PISD: variants seen among roughly 807,000 people sequenced by gnomAD.
PISD encodes phosphatidylserine decarboxylase proenzyme, mitochondrial.
PISD carries 31 observed loss-of-function variants against 43.5 expected under a neutral mutation model. That is an observed-to-expected ratio of 0.71 (90% CI 0.54 to 0.96). The LOEUF (loss-of-function observed/expected upper bound fraction) is 0.96. PISD is among the 40% of genes least tolerant of loss of function. PISD has a pLI of 0.00. For synonymous variants in PISD, 259 were observed against 228.7 expected, an observed-to-expected ratio of 1.13 and a Z score of -1.20; for missense variants, 523 against 548.4, an observed-to-expected ratio of 0.95 and a Z score of 0.46.
At chr22:31,622,502 C>T (rs1270441355) in intron 3 of PISD, among the ~76,000 whole-genome samples, 2 of 152,244 alleles carry the variant, frequency 1.3e-5, no homozygotes, top group Non-Finnish European at 2.9e-5. Context: ...GTCCAGCCAG[C>T]ACTCTTGAGG....
chr22:31,652,750 C>G (rs1056160375), intron 1 of PISD, among the ~76,000 whole-genome samples: 1 of 151,340 alleles, frequency 6.6e-6, no homozygotes, highest in African/African-American at 2.4e-5. Context: ...AAACACCCCC[C>G]TTGCCAGGCT....
At chr22:31,639,601 T>A (rs1034072718) in intron 3 of PISD, among the ~76,000 whole-genome samples, 3 of 152,188 alleles carry the variant, frequency 2.0e-5, no homozygotes, top group Admixed American at 2.0e-4. Context: ...ATTTGTCAAT[T>A]TCAGGAAAAG....
chr22:31,648,415 C>A (rs1433721065), intron 2 of PISD, 139 bp from the exon 3 acceptor site: 1 of 658,948 alleles, frequency 1.5e-6, no homozygotes, highest in Non-Finnish European at 2.6e-6. Flanking sequence ...ACATGGCTCA[C>A]GCCTGTAATC....
At chr22:31,637,311 T>G (rs1382682004) in intron 3 of PISD, among the ~76,000 whole-genome samples, 1 of 149,206 alleles carries the variant, frequency 6.7e-6, no homozygotes, top group Non-Finnish European at 1.5e-5. Flanking sequence ...TGCAGTAAGC[T>G]GTGATCACAC....
chr22:31,628,864 A>G (rs2073049556), intron 3 of PISD: 3 of 985,344 alleles, frequency 3.0e-6, no homozygotes, highest in Admixed American at 1.2e-4. Flanking sequence ...TCTCTTTCCA[A>G]AAAGTCAACC....
chr22:31,626,036 A>ACAC, intron 3 of PISD: 4 of 1,428,970 alleles, frequency 2.8e-6, no homozygotes, highest in Non-Finnish European at 3.7e-6. Flanking sequence ...ACAGACAGGC[A>ACAC]CTGGTCACAC....
At position 31,659,192 on chromosome 22, in the gene PISD, T is replaced by C. The variant is rs893516073; in HGVS notation, c.65+2952A>G. On this transcript the variant is annotated intron_variant, in intron 1 of 7. Transcript: ENST00000439502. ...AACATCACCCCTAGTAGTAACATTT[T>C]GCCTATAGTCCTTATGTCTCCCTTG... Among the ~76,000 whole-genome samples the C allele has an allele frequency of 7.2e-5, 11 of 152,272 alleles. No homozygotes were observed. In the East Asian group the frequency reaches 1.9e-3, roughly 27 times the overall value.
chr22:31,662,010 T>C (rs999981748), intron 1 of PISD, 134 bp downstream of exon 1: 2 of 761,488 alleles, frequency 2.6e-6, no homozygotes, highest in African/African-American at 1.7e-5. Flanking sequence ...GCTCCTAAGC[T>C]CGAGGTGAAG....
In PISD at chr22:31,630,958, C is replaced by T. The variant is rs2073180052; in HGVS notation, c.322-9073G>A. 3 of 691,908 alleles carry T rather than the reference C, an allele frequency of 4.3e-6. No individual in the cohort carries two copies. The highest frequency in any genetic ancestry group is 5.3e-6 in the Non-Finnish European group (3 of 561,530). 42.9% of individuals were successfully genotyped at this position (691,908 alleles called of 1,614,324 possible). On this transcript the variant is annotated intron_variant, in intron 3 of 7. Transcript: ENST00000439502. This position sits in a 1 kb window ranked among gnomAD's most constrained non-coding sequence, Gnocchi z 4.4. Reference sequence around the variant, plus strand: ...CCCCAGCCACCCTTAAAGCTGCCGCCCCCTCTGAGCCCCAGTCCTGCTGGG... The same window carrying T: ...CCCCAGCCACCCTTAAAGCTGCCGCTCCCTCTGAGCCCCAGTCCTGCTGGG...
intron 3 of PISD, chr22:31,625,525 G>A: frequency 1.7e-6 from 1 of 601,302 alleles, no homozygotes; most frequent in Non-Finnish European, 3.0e-6. Flanking sequence ...TGAGGTCTGA[G>A]GCTCGCTGGC....
At position 31,620,559 on chromosome 22, in the gene PISD, A is replaced by G. The variant is rs779541727; in HGVS notation, c.999T>C (p.Phe333=). 20 of 1,614,192 alleles carry G rather than the reference A, an allele frequency of 1.2e-5. No individual in the cohort carries two copies. Among genetic ancestry groups the G allele is most frequent in the Non-Finnish European group, 1.5e-5 (18 of 1,180,020 alleles). The change falls in exon 7 of 8, where the codon TTT becomes TTC. Residue 333 remains phenylalanine, a synonymous_variant. Coordinates refer to ENST00000439502, the MANE Select transcript of PISD (RefSeq NM_001326411.2). ...GGGCCTAGATCCTGCTTACCCGGTC[A>G]AAGTAGATGCGAATGGAGCCCACGT... is the stretch of plus-strand genomic sequence containing the variant. The part of the protein sequence containing the change: ...ATNVGSIRIY[F]DRDLHTNSPR...
At chr22:31,634,741 G>C (rs562288889) in intron 3 of PISD, among the ~76,000 whole-genome samples, 1 of 150,996 alleles carries the variant, frequency 6.6e-6, no homozygotes, top group African/African-American at 2.4e-5. Flanking sequence ...GGGAGGCTGA[G>C]GTGGGAGAAT....
At chr22:31,628,265 G>T in intron 3 of PISD, 1 of 860,310 alleles carries the variant, frequency 1.2e-6, no homozygotes. Context: ...GCTTCCCAAG[G>T]CCAAGCCACT....
rs1324709232 is a variant in PISD at position 31,637,159 on chromosome 22, AAAAAAATATATATATATATAT to A, written c.321+10921_321+10941del. The stretch of plus-strand genomic sequence containing the variant: ...TAAATAAATTAAAAAAAAAAAAAAA[AAAAAAATATATATATATATAT>A]ATATATATATATATATATATATATA... On this transcript the variant is annotated intron_variant, in intron 3 of 7. Coordinates refer to ENST00000439502, the MANE Select transcript of PISD (RefSeq NM_001326411.2). Among the ~76,000 whole-genome samples the A allele has an allele frequency of 8.5e-3, 235 of 27,712 alleles. 5 individuals are homozygous for A. Among genetic ancestry groups the A allele is most frequent in the African/African-American group, 0.023 (144 of 6,376 alleles). 18.2% of individuals were successfully genotyped at this position (27,712 alleles called of 152,430 possible).
chr22:31,623,820 C>T lies in PISD; in HGVS notation c.322-1935G>A, dbSNP rs35341171. 1,760 of 1,613,854 alleles carry T rather than the reference C, an allele frequency of 1.1e-3. 20 individuals carry two copies. In the African/African-American group the frequency reaches 0.02, roughly 19 times the overall value. ...CATGCAGCTCAGCTGCCCCAGCCTC[C>T]GCCTCAGGGCCAGCTGGGGGAAGTG... On this transcript the variant is annotated intron_variant, in intron 3 of 7. Coordinates refer to ENST00000439502, the MANE Select transcript of PISD (RefSeq NM_001326411.2).
chr22:31,628,291 G>T, intron 3 of PISD: 1 of 600,272 alleles, frequency 1.7e-6, no homozygotes, highest in Non-Finnish European at 2.1e-6. Flanking sequence ...GGCCAGCAGT[G>T]TTTCTGGCCT....
At chr22:31,659,739 A>G (rs915140541) in intron 1 of PISD, among the ~76,000 whole-genome samples, 2 of 151,876 alleles carry the variant, frequency 1.3e-5, no homozygotes, top group African/African-American at 4.8e-5. Flanking sequence ...CTACAGACAC[A>G]CGCCACCACA....
intron 3 of PISD, among the ~76,000 whole-genome samples, chr22:31,633,331 T>A (rs1263559463): frequency 6.6e-6 from 1 of 152,222 alleles, no homozygotes; most frequent in Non-Finnish European, 1.5e-5. Flanking sequence ...ATTCTCACAC[T>A]CTTCCCTGTG....
intron 7 of PISD, among the ~76,000 whole-genome samples, chr22:31,620,148 C>T (rs910900924): frequency 6.6e-6 from 1 of 152,184 alleles, no homozygotes; most frequent in Non-Finnish European, 1.5e-5. Flanking sequence ...AACTGACACC[C>T]AAAAAGGCAG....
Sources: gnomAD v4.1 joint callset for allele counts (sites outside exome capture counted in the v4.1 genomes callset) on GRCh38, gnomAD v4.1.1 for gene constraint, Gnocchi (gnomAD v3.1) non-coding constraint, MANE v1.5 for transcripts, NCBI Gene and HGNC (gene_info 2026-07-23, HGNC 2026-07-21) for gene names.